The following SMIM36 variants were observed in gnomAD, a reference collection of about 807,000 sequenced individuals.
SMIM36 encodes the protein small integral membrane protein 36.
chr17:55,477,971 C>G (rs1909453597), intron 3 of SMIM36, among the ~76,000 whole-genome samples: 2 of 151,714 alleles, frequency 1.3e-5, no homozygotes, highest in African/African-American at 4.8e-5. Context: ...ACATTTCCAG[C>G]CTAAACAAAG....
chr17:55,496,730 G>T (rs1304964910), intron 1 of SMIM36, among the ~76,000 whole-genome samples: 4 of 152,186 alleles, frequency 2.6e-5, no homozygotes, highest in Admixed American at 2.0e-4. Flanking sequence ...AAAAGTGATG[G>T]CAGGGAGAGA....
intron 4 of SMIM36, among the ~76,000 whole-genome samples, chr17:55,457,310 G>C (rs1909041735): frequency 6.6e-6 from 1 of 151,534 alleles, no homozygotes; most frequent in Non-Finnish European, 1.5e-5. Context: ...AATTAGCTGG[G>C]CATGGTGGTG....
At chr17:55,524,405 A>G in the SMIM36 span, among the ~76,000 whole-genome samples, 2 of 152,180 alleles carry the variant, frequency 1.3e-5, no homozygotes, top group African/African-American at 4.8e-5. Flanking sequence ...TCTTCATGGT[A>G]GAATAATTTC....
At chr17:55,451,206 A>C (rs559450049) in intron 4 of SMIM36, among the ~76,000 whole-genome samples, 2 of 152,220 alleles carry the variant, frequency 1.3e-5, no homozygotes, top group African/African-American at 4.8e-5. Flanking sequence ...CTTATCATCC[A>C]TAGACTAAGA....
intron 4 of SMIM36, among the ~76,000 whole-genome samples, chr17:55,457,451 CAAAA>C (rs1179896909): frequency 4.9e-5 from 3 of 61,660 alleles, no homozygotes; most frequent in Non-Finnish European, 1.0e-4. Context: ...AACTCCGTCT[CAAAA>C]AAAAAAAAAA....
the SMIM36 span, among the ~76,000 whole-genome samples, chr17:55,530,483 G>A: frequency 9.2e-5 from 14 of 152,102 alleles, no homozygotes; most frequent in Admixed American, 3.3e-4. Flanking sequence ...TGCCCCAGAC[G>A]CAGTTAAAAA....
intron 1 of SMIM36, among the ~76,000 whole-genome samples, chr17:55,484,805 T>C (rs1182526693): frequency 6.6e-6 from 1 of 152,260 alleles, no homozygotes; most frequent in Non-Finnish European, 1.5e-5. Flanking sequence ...GCGTGGTCAC[T>C]GTAAGCATGT....
upstream of SMIM36, among the ~76,000 whole-genome samples, chr17:55,515,480 A>G (rs1053078053): frequency 5.3e-5 from 8 of 152,206 alleles, no homozygotes; most frequent in African/African-American, 1.9e-4. Flanking sequence ...TTATTTGGAA[A>G]TAGGGTCTTG....
chr17:55,480,338 T>C (rs1446952897), intron 1 of SMIM36, among the ~76,000 whole-genome samples: 1 of 152,156 alleles, frequency 6.6e-6, no homozygotes, highest in Non-Finnish European at 1.5e-5. Flanking sequence ...CAATTTGAGT[T>C]TCTCTAAAAT....
At chr17:55,508,418 A>G (rs1355532180) in intron 1 of SMIM36, among the ~76,000 whole-genome samples, 1 of 140,504 alleles carries the variant, frequency 7.1e-6, no homozygotes, top group East Asian at 2.0e-4. Flanking sequence ...TATTTTATAT[A>G]TATATTCCTA....
chr17:55,516,501 A>G, the SMIM36 span, among the ~76,000 whole-genome samples: 1 of 151,474 alleles, frequency 6.6e-6, no homozygotes, highest in Non-Finnish European at 1.5e-5. Context: ...CATAAAGTTT[A>G]TATAACAGGC....
At chr17:55,527,868 A>C in the SMIM36 span, 1 of 152,364 alleles carries the variant, frequency 6.6e-6, no homozygotes, top group Non-Finnish European at 1.5e-5. Flanking sequence ...TAAACTTAGC[A>C]GGGGTGGCAG....
rs1909903312 is a variant in SMIM36, at chr17:55,500,823, T to TTTATAATATATATTATAATATATTATA, written c.*174+10029_*174+10055dup. On this transcript the variant is annotated intron_variant, in intron 1 of 4. Coordinates refer to ENST00000636752, the Ensembl canonical transcript of SMIM36. ...TATAATATATTATAATATATTATAT[T>TTTATAATATATATTATAATATATTATA]TTATAATATATATTATAATATATTA... is the stretch of plus-strand genomic sequence containing the variant. 1.4e-4 allele frequency among the ~76,000 whole-genome samples: 3 copies of TTTATAATATATATTATAATATATTATA among 22,114 alleles called. 1 individual carries two copies. Among genetic ancestry groups the TTTATAATATATATTATAATATATTATA allele is most frequent in the Non-Finnish European group, 2.8e-4 (3 of 10,564 alleles). 14.5% of individuals were successfully genotyped at this position (22,114 alleles called of 152,430 possible).
intron 1 of SMIM36, among the ~76,000 whole-genome samples, chr17:55,494,075 C>A (rs1482838343): frequency 6.6e-6 from 1 of 152,072 alleles, no homozygotes; most frequent in Admixed American, 6.5e-5. Flanking sequence ...AGTTTGTTTC[C>A]ATAGGATAGT....
At chr17:55,451,685 C>T (rs982403366) in intron 4 of SMIM36, among the ~76,000 whole-genome samples, 2 of 152,190 alleles carry the variant, frequency 1.3e-5, no homozygotes, top group South Asian at 2.1e-4. Flanking sequence ...ATGAATTTAC[C>T]AGTTTTCCTA....
intron 3 of SMIM36, chr17:55,468,455 C>G (rs182610420): frequency 1.3e-5 from 2 of 153,184 alleles, no homozygotes; most frequent in Non-Finnish European, 2.9e-5. Context: ...ACTCCGACGT[C>G]GGTCACGGAT....
At chr17:55,511,054 C>G (rs1910172242) in exon 1 of SMIM36, 2 of 398,472 alleles carry the variant, frequency 5.0e-6, no homozygotes, top group Non-Finnish European at 4.4e-6. Flanking sequence ...TAGCCAGCCT[C>G]ATACCATGGT....
chr17:55,453,843 T>C (rs952314695), intron 4 of SMIM36, among the ~76,000 whole-genome samples: 2 of 152,328 alleles, frequency 1.3e-5, no homozygotes, highest in East Asian at 1.9e-4. Flanking sequence ...TAGATCTTCA[T>C]TGGGTGATGT....
At chr17:55,531,198 C>A in the SMIM36 span, among the ~76,000 whole-genome samples, 1 of 152,166 alleles carries the variant, frequency 6.6e-6, no homozygotes, top group African/African-American at 2.4e-5. Context: ...ACGCTGCCTG[C>A]CTTTCCCTTT....
Sources: allele counts gnomAD v4.1 joint callset (sites outside exome capture counted in the v4.1 genomes callset), GRCh38; gene constraint gnomAD v4.1.1; transcripts MANE v1.5; gene names NCBI Gene and HGNC (gene_info 2026-07-23, HGNC 2026-07-21).